The following PTGR1 variants were observed in gnomAD, a reference collection of about 807,000 sequenced individuals.
The protein encoded by PTGR1 is 15-oxoprostaglandin 13-reductase.
Under a neutral mutation model 37.7 loss-of-function variants are expected in PTGR1, and 23 were observed. That is an observed-to-expected ratio of 0.61 (90% CI 0.44 to 0.86). PTGR1 has a LOEUF of 0.86. Ranked by LOEUF, PTGR1 falls within the 40% of genes least tolerant of loss-of-function variation. PTGR1 has a pLI of 0.00. For synonymous variants in PTGR1, 134 were observed against 140.0 expected, an observed-to-expected ratio of 0.96 and a Z score of 0.30; for missense variants, 351 against 394.3, an observed-to-expected ratio of 0.89 and a Z score of 0.93.
intron 9 of PTGR1, among the ~76,000 whole-genome samples, chr9:111,555,381 C>T (rs1279999933): frequency 6.6e-6 from 1 of 152,154 alleles, no homozygotes; most frequent in Admixed American, 6.5e-5. Context: ...GATGCCTCCA[C>T]CTCCTAAATC....
intron 9 of PTGR1, among the ~76,000 whole-genome samples, chr9:111,552,438 AAT>A: frequency 6.6e-6 from 1 of 152,216 alleles, no homozygotes; most frequent in Non-Finnish European, 1.5e-5. Context: ...CATGCAATAG[AAT>A]AGAGCAATGA....
Position 111,568,459 on chromosome 9 carries a change from G to A in PTGR1, c.879+1632C>T, listed in dbSNP as rs1333320912. Among the ~76,000 whole-genome samples, 3 of 152,170 alleles carry A rather than the reference G, an allele frequency of 2.0e-5. No homozygotes were observed. The East Asian group carries it at 5.8e-4, about 29-fold the overall frequency. ...CTGCTTTCGAACCCTGTTTTCTGTT[G>A]TTGAAGATGTTTATCAAGACAATAT... is the stretch of plus-strand genomic sequence containing the variant. On this transcript the variant is annotated intron_variant, in intron 9 of 9. Coordinates refer to ENST00000407693, the MANE Select transcript of PTGR1 (RefSeq NM_001146108.2).
chr9:111,591,198 G>A (rs1396122093), intron 4 of PTGR1, among the ~76,000 whole-genome samples: 1 of 151,584 alleles, frequency 6.6e-6, no homozygotes, highest in Non-Finnish European at 1.5e-5. Flanking sequence ...GGCTGAGGCA[G>A]GAGAATCAGA....
intron 1 of PTGR1, among the ~76,000 whole-genome samples, chr9:111,598,007 T>TA (rs1564624761): frequency 5.5e-5 from 8 of 146,178 alleles, no homozygotes; most frequent in South Asian, 2.1e-4. Flanking sequence ...TTTTTTTTTT[T>TA]TAAATACTTT....
chr9:111,550,200 C>T (rs914644692), intron 9 of PTGR1, among the ~76,000 whole-genome samples: 15 of 152,144 alleles, frequency 9.9e-5, no homozygotes, highest in African/African-American at 3.1e-4. Context: ...GGAGCAATGG[C>T]TTTCTGAATT....
intron 8 of PTGR1, among the ~76,000 whole-genome samples, chr9:111,572,272 T>C (rs1261800882): frequency 6.6e-6 from 1 of 152,124 alleles, no homozygotes; most frequent in Non-Finnish European, 1.5e-5. Context: ...CTTTGTGAGT[T>C]AGGGATTGGA....
intron 3 of PTGR1, 33 bp from the exon 4 acceptor site, chr9:111,593,015 A>C: frequency 6.6e-7 from 1 of 1,504,200 alleles, no homozygotes; most frequent in East Asian, 2.5e-5. Context: ...AAAAAAAAAA[A>C]AATAGGTAAA....
chr9:111,583,942 T>C (rs1006604271), intron 5 of PTGR1, among the ~76,000 whole-genome samples: 1 of 152,202 alleles, frequency 6.6e-6, no homozygotes, highest in African/African-American at 2.4e-5. Flanking sequence ...TCTATGTAGA[T>C]GATGAGCTTC....
chr9:111,572,756 C>CAAAAA (rs58101079), intron 8 of PTGR1, among the ~76,000 whole-genome samples: 1 of 63,504 alleles, frequency 1.6e-5, no homozygotes, highest in African/African-American at 7.7e-5. Context: ...GACCCTGTCT[C>CAAAAA]AAAAAAAAAA....
At chr9:111,597,689 G>T (rs1180169196) in intron 1 of PTGR1, among the ~76,000 whole-genome samples, 3 of 152,282 alleles carry the variant, frequency 2.0e-5, no homozygotes, top group Admixed American at 2.0e-4. Flanking sequence ...TACGGATGAG[G>T]AAACTGAGGT....
intron 7 of PTGR1, chr9:111,577,875 T>C (rs1312957239): frequency 6.6e-6 from 1 of 152,150 alleles, no homozygotes; most frequent in East Asian, 1.9e-4. Context: ...AAAGCACTGA[T>C]AAATTCTATG....
intron 4 of PTGR1, among the ~76,000 whole-genome samples, chr9:111,588,188 T>A (rs1829498619): frequency 7.1e-6 from 1 of 141,326 alleles, no homozygotes. Flanking sequence ...CACTACCACA[T>A]CCAGCTAATT....
chr9:111,561,084 A>AATAT (rs368827456), downstream of PTGR1, among the ~76,000 whole-genome samples: 53 of 20,330 alleles, frequency 2.6e-3, 3 homozygotes, highest in Admixed American at 3.9e-3. Flanking sequence ...CTCCATCTAA[A>AATAT]ATATATATAT....
At chr9:111,586,826 CTT>C (rs35566435) in intron 4 of PTGR1, among the ~76,000 whole-genome samples, 2 of 142,636 alleles carry the variant, frequency 1.4e-5, no homozygotes, top group Non-Finnish European at 1.5e-5. Context: ...TATATGCATA[CTT>C]TTTTTTTTTA....
chr9:111,549,834 C>T (rs1473235076), intron 9 of PTGR1: 4 of 1,356,378 alleles, frequency 2.9e-6, no homozygotes, highest in Non-Finnish European at 4.1e-6. Flanking sequence ...GCTCTTTGAG[C>T]ATCTTTAAGG....
At chr9:111,564,280 A>T (rs754472781) in intron 9 of PTGR1, 90 of 202,714 alleles carry the variant, frequency 4.4e-4, no homozygotes, top group Middle Eastern at 2.2e-3. Context: ...TTAAACTTTT[A>T]TTATTATTAT....
chr9:111,560,389 G>A (rs1252459653), downstream of PTGR1, among the ~76,000 whole-genome samples: 4 of 150,896 alleles, frequency 2.7e-5, no homozygotes, highest in African/African-American at 7.3e-5. Flanking sequence ...CAGGAGAATC[G>A]CGTGAACCCT....
intron 6 of PTGR1, among the ~76,000 whole-genome samples, chr9:111,581,461 T>C (rs999464482): frequency 6.6e-6 from 1 of 152,164 alleles, no homozygotes; most frequent in African/African-American, 2.4e-5. Flanking sequence ...CCTGGTGATA[T>C]TTCTAAACTC....
intron 9 of PTGR1, among the ~76,000 whole-genome samples, chr9:111,565,980 G>A (rs1283248110): frequency 2.0e-5 from 3 of 152,110 alleles, no homozygotes; most frequent in African/African-American, 7.2e-5. Flanking sequence ...GTGAGGCTGA[G>A]GCAGGAGAAT....
Sources: allele counts gnomAD v4.1 joint callset (sites outside exome capture counted in the v4.1 genomes callset), GRCh38; gene constraint gnomAD v4.1.1; transcripts MANE v1.5; gene names NCBI Gene and HGNC (gene_info 2026-07-23, HGNC 2026-07-21).